The following ANKRD62 variants were observed in gnomAD, a reference collection of about 807,000 sequenced individuals.
ANKRD62 encodes ankyrin repeat domain 62.
In ANKRD62, 61 loss-of-function variants were observed where a neutral mutation model predicts 98.8. The ratio of observed to expected loss-of-function variants is 0.62; its 90% confidence interval spans 0.50 to 0.76. The LOEUF is 0.76. Among genes scored for constraint, ANKRD62 ranks in the 30% least tolerant of loss-of-function variants. ANKRD62 has a pLI of 0.00. For missense variants in ANKRD62, 933 were observed against 1,082.9 expected (o/e 0.86, Z 1.94); for synonymous variants, 341 against 367.9 (o/e 0.93, Z 0.84).
chr18:12,172,528 C>A, the ANKRD62 span, among the ~76,000 whole-genome samples: 2 of 152,156 alleles, frequency 1.3e-5, no homozygotes, highest in Non-Finnish European at 2.9e-5. Flanking sequence ...AGGTGTCAGT[C>A]GGCCCCTACT....
chr18:12,164,197 T>G, the ANKRD62 span, among the ~76,000 whole-genome samples: 1 of 151,934 alleles, frequency 6.6e-6, no homozygotes, highest in Admixed American at 6.6e-5. Flanking sequence ...ATTGGTAGGT[T>G]GTAGATATTT....
chr18:12,139,333 G>A, the ANKRD62 span, among the ~76,000 whole-genome samples: 1 of 152,082 alleles, frequency 6.6e-6, no homozygotes, highest in Non-Finnish European at 1.5e-5. Flanking sequence ...GAAATTCTGG[G>A]TTGAAAATTC....
chr18:12,131,842 T>G (rs755074337), downstream of ANKRD62, among the ~76,000 whole-genome samples: 2 of 152,196 alleles, frequency 1.3e-5, no homozygotes, highest in Non-Finnish European at 2.9e-5. Context: ...CACACTGTTA[T>G]GATTTTTGTA....
At position 12,126,313 on chromosome 18, in the gene ANKRD62, G is replaced by A. The variant is rs778638530; in HGVS notation, c.2492G>A (p.Gly831Glu). 45 of 1,532,746 alleles carry A rather than the reference G, an allele frequency of 2.9e-5. 1 individual carries two copies. In the South Asian group the frequency reaches 5.3e-4, roughly 18 times the overall value. The allele number at this position is 1,532,746 out of a possible 1,614,324, so 94.9% of individuals were successfully genotyped here. A position where few individuals can be genotyped will look rare whatever the true frequency, so the allele number is the denominator to read the frequency against. ...ECRKLEENNK[G>E]LMKECTLLKE... is the part of the protein sequence containing the mutation. ...AGAAAGCTAGAAGAGAACAATAAGG[G>A]GTTGATGAAGGAATGCACTCTTTTA... is the stretch of plus-strand genomic sequence containing the variant. Residue 831 changes from glycine to glutamate, a missense_variant, in exon 13 of 14, where the codon GGG (glycine) becomes GAG (glutamate). By Grantham distance (98) the Gly-to-Glu change is moderately conservative (BLOSUM62 -2). Around this residue, in one of 3 missense-constraint regions of ANKRD62, gnomAD observed 362 missense variants for 434.5 expected, o/e 0.83. Coordinates refer to ENST00000587848, the MANE Select transcript of ANKRD62 (RefSeq NM_001277333.2).
the ANKRD62 span, among the ~76,000 whole-genome samples, chr18:12,138,296 G>A: frequency 3.9e-5 from 6 of 152,078 alleles, no homozygotes; most frequent in East Asian, 3.8e-4. Context: ...TCTTCATTTC[G>A]TTATGTACCC....
In ANKRD62 at chr18:12,093,894, T is replaced by C; in HGVS notation, c.-124T>C. The stretch of plus-strand genomic sequence containing the variant: ...GAGCAGCTGGAGACTGGAGTGTCCC[T>C]GACGGAGGTTGCGGCTGGACCTGGT... On this transcript the variant is annotated 5_prime_UTR_variant, in exon 1 of 14. Transcript: ENST00000587848. 1.4e-5 allele frequency: 12 copies of C among 865,172 alleles called. No homozygotes were observed. The highest frequency in any genetic ancestry group is 2.2e-5 in the Non-Finnish European group (12 of 552,328). The allele number at this position is 865,172 out of a possible 1,614,324, so 53.6% of individuals were successfully genotyped here.
rs1290513022 is a variant in ANKRD62 at position 12,109,570 on chromosome 18, G to A, written c.1064+2103G>A. 2.6e-5 allele frequency among the ~76,000 whole-genome samples: 4 copies of A among 152,294 alleles called. No individual in the cohort carries two copies. In the East Asian group the frequency reaches 5.8e-4, roughly 22 times the overall value. ...ACTTTACTTTGTTACCAACATAATC[G>A]TTAGTTATAAAATTGTTGTTTTTCT... On this transcript the variant is annotated intron_variant, in intron 8 of 13. Coordinates refer to ENST00000587848, the MANE Select transcript of ANKRD62 (RefSeq NM_001277333.2).
Position 12,094,138 on chromosome 18 carries a change from A to G in ANKRD62, c.121A>G (p.Met41Val), listed in dbSNP as rs1481524648. 1 of 1,533,760 alleles carries G rather than the reference A, an allele frequency of 6.5e-7. No individual in the cohort carries two copies. The highest frequency in any genetic ancestry group is 2.5e-5 in the East Asian group (1 of 40,584). The change falls in exon 1 of 14, where the codon ATG (methionine) becomes GTG (valine). Residue 41 changes from methionine to valine, a missense_variant. Physicochemically the swap from Met to Val is conservative, Grantham distance 21. This residue lies in a region of ANKRD62 where 549 missense variants were observed against 587.9 expected (regional missense o/e 0.93). Coordinates refer to ENST00000587848, the MANE Select transcript of ANKRD62 (RefSeq NM_001277333.2). ...CCGAGTCCGGCAGAAGGATCTGGGCATGATCCACAAAGCTGCCATCGCAGG... is the reference window on the plus strand; with the variant it reads ...CCGAGTCCGGCAGAAGGATCTGGGCGTGATCCACAAAGCTGCCATCGCAGG... ...GYRVRQKDLGMIHKAAIAGDV... is the reference protein window; with the variant it reads ...GYRVRQKDLGVIHKAAIAGDV...
chr18:12,177,742 T>A, the ANKRD62 span, among the ~76,000 whole-genome samples: 1 of 150,658 alleles, frequency 6.6e-6, no homozygotes, highest in Non-Finnish European at 1.5e-5. Context: ...GTGCTGGGGA[T>A]ATAGGCAGGA....
At chr18:12,173,028 A>G in the ANKRD62 span, among the ~76,000 whole-genome samples, 15 of 152,344 alleles carry the variant, frequency 9.8e-5, no homozygotes, top group East Asian at 2.5e-3. Context: ...TGGCTAGGAA[A>G]GAGAATTCTC....
At chr18:12,159,600 G>A in the ANKRD62 span, among the ~76,000 whole-genome samples, 3 of 152,168 alleles carry the variant, frequency 2.0e-5, no homozygotes, top group Admixed American at 2.0e-4. Flanking sequence ...AGGATGTTTG[G>A]TAGCAGTTGC....
chr18:12,140,083 T>A, the ANKRD62 span, among the ~76,000 whole-genome samples: 2 of 152,202 alleles, frequency 1.3e-5, no homozygotes, highest in Admixed American at 1.3e-4. Context: ...TCTTCACGCT[T>A]CATATCATTC....
chr18:12,163,620 A>AGC, the ANKRD62 span, among the ~76,000 whole-genome samples: 3 of 152,076 alleles, frequency 2.0e-5, no homozygotes, highest in African/African-American at 7.2e-5. Context: ...GTTTTTCTTC[A>AGC]TTTAGTATGA....
At chr18:12,123,192 C>T (rs1441477556) in intron 11 of ANKRD62, among the ~76,000 whole-genome samples, 1 of 151,860 alleles carries the variant, frequency 6.6e-6, no homozygotes, top group Non-Finnish European at 1.5e-5. Flanking sequence ...GGATTACAGG[C>T]ACACGTCACC....
At chr18:12,127,673 TAG>T (rs1909921457) in intron 13 of ANKRD62, 73 bp from the exon 14 acceptor site, 5 of 1,148,126 alleles carry the variant, frequency 4.4e-6, no homozygotes, top group Non-Finnish European at 5.7e-6. Flanking sequence ...GTGTGTATAT[TAG>T]AGTTAAATAT....
Position 12,102,697 on chromosome 18 carries a change from G to C in ANKRD62, c.821-461G>C, listed in dbSNP as rs557690577. The C allele has an allele frequency of 2.9e-4, 296 of 1,038,182 alleles. No individual in the cohort carries two copies. In the African/African-American group the frequency reaches 4.0e-3, roughly 14 times the overall value. 64.3% of individuals were successfully genotyped at this position (1,038,182 alleles called of 1,614,324 possible). ...TAGAGGAAGACATTTCAGATATAAT[G>C]AACGGGGTGTATATGGATGAAGGTA... is the stretch of plus-strand genomic sequence containing the variant. On this transcript the variant is annotated intron_variant, in intron 6 of 13. Transcript: ENST00000587848.
Position 12,094,016 on chromosome 18 carries a change from G to A in ANKRD62, c.-2G>A, listed in dbSNP as rs1909107598. 1 of 1,535,002 alleles carries A rather than the reference G, an allele frequency of 6.5e-7. No individual in the cohort carries two copies. Among genetic ancestry groups the A allele is most frequent in the Non-Finnish European group, 8.7e-7 (1 of 1,146,776 alleles). ...GCCTGGGAGAAGATCTCTGGCTTCA[G>A]GATGGAGGTCAGGGGGTCGTTCCTG... On this transcript the variant is annotated 5_prime_UTR_variant, in exon 1 of 14. Coordinates refer to ENST00000587848, the MANE Select transcript of ANKRD62 (RefSeq NM_001277333.2).
downstream of ANKRD62, among the ~76,000 whole-genome samples, chr18:12,134,265 T>C (rs1167550986): frequency 6.6e-6 from 1 of 152,212 alleles, no homozygotes; most frequent in African/African-American, 2.4e-5. Context: ...GGAAATAATT[T>C]AGAATTTACC....
chr18:12,157,782 C>G, the ANKRD62 span, among the ~76,000 whole-genome samples: 1 of 152,174 alleles, frequency 6.6e-6, no homozygotes, highest in Non-Finnish European at 1.5e-5. Context: ...TGGGTTTCCA[C>G]TGCAGCTGGA....
Sources: allele counts gnomAD v4.1 joint callset (sites outside exome capture counted in the v4.1 genomes callset), GRCh38; gene constraint gnomAD v4.1.1; regional missense constraint gnomAD v4.1.1; transcripts MANE v1.5; gene names NCBI Gene and HGNC (gene_info 2026-07-23, HGNC 2026-07-21).